Variants in PROSER2 observed in about 807,000 individuals in gnomAD.
PROSER2 encodes the protein proline and serine rich 2, also known as proline and serine-rich protein 2.
PROSER2 carries 18 observed loss-of-function variants against 14.6 expected under a neutral mutation model. That is an observed-to-expected ratio of 1.23 (90% CI 0.85 to 1.83). PROSER2 has a LOEUF of 1.83. Among genes scored for constraint, PROSER2 ranks in the 40% most tolerant of loss-of-function variants. PROSER2 has a pLI of 0.00. For missense variants in PROSER2, 823 were observed against 629.8 expected (o/e 1.31, Z -3.28); for synonymous variants, 367 against 286.4 (o/e 1.28, Z -2.84).
chr10:11,859,671 C>G (rs1436048410), intron 2 of PROSER2, among the ~76,000 whole-genome samples: 2 of 152,208 alleles, frequency 1.3e-5, no homozygotes, highest in Non-Finnish European at 2.9e-5. Context: ...CCAGCTCTCT[C>G]CCGCCTCCAA....
chr10:11,870,228 CG>C lies in PROSER2; in HGVS notation c.1131del (p.Arg378GlyfsTer73). ...CFRPGPALPS[T>X]RARQSFPGPR... ...CGCCCTGGCCCGGCCCTGCCCAGCA[CG>C]CGGGCCCGTCAGAGCTTCCCCGGGC... On this transcript the variant is annotated frameshift_variant, in exon 4 of 4. Coordinates refer to ENST00000277570, the MANE Select transcript of PROSER2 (RefSeq NM_153256.4). LOFTEE classifies it low-confidence loss of function (END_TRUNC). The C allele has an allele frequency of 1.3e-6, 2 of 1,490,592 alleles. No homozygotes were observed. Among genetic ancestry groups the C allele is most frequent in the Non-Finnish European group, 1.8e-6 (2 of 1,127,906 alleles). 92.3% of individuals were successfully genotyped at this position (1,490,592 alleles called of 1,614,324 possible).
chr10:11,858,478 T>A (rs1305401667), intron 2 of PROSER2, among the ~76,000 whole-genome samples: 1 of 152,034 alleles, frequency 6.6e-6, no homozygotes, highest in Non-Finnish European at 1.5e-5. Context: ...TATGCAGGAG[T>A]CAACAGAGAT....
chr10:11,844,623 C>T (rs549292407), intron 1 of PROSER2, among the ~76,000 whole-genome samples: 23 of 152,228 alleles, frequency 1.5e-4, no homozygotes, highest in African/African-American at 5.5e-4. Flanking sequence ...AGAGCTTCCT[C>T]ATTCTTTTTT....
At chr10:11,825,554 GC>G (rs1211261054) in intron 1 of PROSER2, among the ~76,000 whole-genome samples, 1 of 152,202 alleles carries the variant, frequency 6.6e-6, no homozygotes, top group Non-Finnish European at 1.5e-5. Flanking sequence ...TGGAGGCACT[GC>G]CCTCTGCACG....
intron 1 of PROSER2, among the ~76,000 whole-genome samples, chr10:11,847,003 C>T (rs1242472133): frequency 1.3e-5 from 2 of 151,908 alleles, no homozygotes; most frequent in Non-Finnish European, 2.9e-5. Flanking sequence ...CCTCCCACCT[C>T]GGCCTCCCAA....
chr10:11,836,231 C>G lies in PROSER2; in HGVS notation c.-82+12761C>G, dbSNP rs967478757. On this transcript the variant is annotated intron_variant, in intron 1 of 3. Coordinates refer to ENST00000277570, the MANE Select transcript of PROSER2 (RefSeq NM_153256.4). The surrounding 1 kb of genome is among the most constrained non-coding windows in gnomAD (Gnocchi z 4.6). ...TATTTTTTTGAGACAGAGTCTCACTCTGTTGGCCAGGCTGGTGTGCAGTGG... is the reference window on the plus strand; with the variant it reads ...TATTTTTTTGAGACAGAGTCTCACTGTGTTGGCCAGGCTGGTGTGCAGTGG... Among the ~76,000 whole-genome samples, 2 of 152,110 alleles carry G rather than the reference C, an allele frequency of 1.3e-5. No individual in the cohort carries two copies. Among genetic ancestry groups the G allele is most frequent in the African/African-American group, 4.8e-5 (2 of 41,416 alleles).
intron 3 of PROSER2, among the ~76,000 whole-genome samples, chr10:11,868,221 C>T (rs1834393228): frequency 6.6e-6 from 1 of 152,236 alleles, no homozygotes; most frequent in Non-Finnish European, 1.5e-5. Context: ...GGAAAACACT[C>T]TTTGAAAAAT....
At position 11,862,260 on chromosome 10, in the gene PROSER2, C is replaced by T. The variant is rs928416812; in HGVS notation, c.139-4271C>T. Among the ~76,000 whole-genome samples, 1 of 152,088 alleles carries T rather than the reference C, an allele frequency of 6.6e-6. No homozygotes were observed. Among genetic ancestry groups the T allele is most frequent in the Non-Finnish European group, 1.5e-5 (1 of 68,018 alleles). On this transcript the variant is annotated intron_variant, in intron 2 of 3. Coordinates refer to ENST00000277570, the MANE Select transcript of PROSER2 (RefSeq NM_153256.4). The surrounding 1 kb of genome is among the most constrained non-coding windows in gnomAD (Gnocchi z 4.2). ...CGCTTAAAGTCACCACAGGGGCATG[C>T]GTGTGTTTATGTGAATATGCAAATT...
In PROSER2 at chr10:11,859,008, CAAAAAAAA is replaced by C. The variant is rs750181845; in HGVS notation, c.138+6810_138+6817del. 1.3e-4 allele frequency among the ~76,000 whole-genome samples: 8 copies of C among 61,164 alleles called. No homozygotes were observed. In the South Asian group the frequency reaches 2.5e-3, roughly 19 times the overall value. The allele number at this position is 61,164 out of a possible 152,430, so 40.1% of individuals were successfully genotyped here. On this transcript the variant is annotated intron_variant, in intron 2 of 3. Transcript: ENST00000277570. ...TGGGCAACAAAGCGAGACTCTGTCTCAAAAAAAAAAAAAAAAAAAAAAAAGGAGAGATG... is the reference window on the plus strand; with the variant it reads ...TGGGCAACAAAGCGAGACTCTGTCTCAAAAAAAAAAAAAAAAGGAGAGATG...
At chr10:11,844,563 A>G (rs1833897408) in intron 1 of PROSER2, among the ~76,000 whole-genome samples, 1 of 152,036 alleles carries the variant, frequency 6.6e-6, no homozygotes, top group African/African-American at 2.4e-5. Context: ...TAGACTTTGC[A>G]TTTTTTTGCT....
chr10:11,870,268 CGGCGCCCAGGACT>C lies in PROSER2; in HGVS notation c.1177_1189del (p.Gln393AlafsTer54). ...GCTTCCCCGGGCCCCGGCAGCCCAA[CGGCGCCCAGGACT>C]GGCGCCGCGCAGACTCCCTGCCCCG... On this transcript the variant is annotated frameshift_variant, in exon 4 of 4. Transcript: ENST00000277570. LOFTEE classifies it high-confidence loss of function. The C allele has an allele frequency of 6.7e-7, 1 of 1,489,362 alleles. No individual in the cohort carries two copies. Among genetic ancestry groups the C allele is most frequent in the South Asian group, 1.3e-5 (1 of 79,636 alleles). 92.3% of individuals were successfully genotyped at this position (1,489,362 alleles called of 1,614,324 possible).
chr10:11,853,806 C>T (rs1834074470), intron 2 of PROSER2, among the ~76,000 whole-genome samples: 1 of 152,156 alleles, frequency 6.6e-6, no homozygotes, highest in South Asian at 2.1e-4. Context: ...TTCCTTCCTC[C>T]TCCCTACTGC....
At chr10:11,828,570 G>A (rs551609253) in intron 1 of PROSER2, among the ~76,000 whole-genome samples, 1 of 152,230 alleles carries the variant, frequency 6.6e-6, no homozygotes, top group Non-Finnish European at 1.5e-5. Context: ...TGGCATGGTG[G>A]TGTGTGCCTG....
Position 11,856,987 on chromosome 10 carries a change from C to T in PROSER2, c.138+4772C>T, listed in dbSNP as rs11257365. Among the ~76,000 whole-genome samples, 33,006 of 152,216 alleles carry T rather than the reference C, an allele frequency of 0.22. 3,736 individuals carry two copies. The highest frequency in any genetic ancestry group is 0.31 in the Middle Eastern group (90 of 294). On this transcript the variant is annotated intron_variant, in intron 2 of 3. Coordinates refer to ENST00000277570, the MANE Select transcript of PROSER2 (RefSeq NM_153256.4). The surrounding 1 kb of genome is among the most constrained non-coding windows in gnomAD (Gnocchi z 5.3). The stretch of plus-strand genomic sequence containing the variant: ...TCACCCAGCTGGAATCCAAATGGTC[C>T]TGGTCAAACAGCTGCTTTAAAACAT...
chr10:11,837,092 A>G lies in PROSER2; in HGVS notation c.-82+13622A>G, dbSNP rs1452854445. Among the ~76,000 whole-genome samples the G allele has an allele frequency of 2.6e-5, 4 of 152,102 alleles. No homozygotes were observed. The East Asian group carries it at 7.7e-4, about 29-fold the overall frequency. On this transcript the variant is annotated intron_variant, in intron 1 of 3. Transcript: ENST00000277570. The surrounding 1 kb of genome is among the most constrained non-coding windows in gnomAD (Gnocchi z 4.6). ...CCGTGCTTATGTTCAAGTCACTTTTATTTAATAATGGCCCTGAAGCAGAAG... is the reference window on the plus strand; with the variant it reads ...CCGTGCTTATGTTCAAGTCACTTTTGTTTAATAATGGCCCTGAAGCAGAAG...
chr10:11,831,443 G>A (rs1833688272), intron 1 of PROSER2, among the ~76,000 whole-genome samples: 1 of 152,130 alleles, frequency 6.6e-6, no homozygotes, highest in African/African-American at 2.4e-5. Context: ...ATTTGCTCAG[G>A]AATCCAGAAA....
chr10:11,835,927 C>T (rs1186457656), intron 1 of PROSER2, among the ~76,000 whole-genome samples: 2 of 152,082 alleles, frequency 1.3e-5, no homozygotes, highest in Admixed American at 6.6e-5. Flanking sequence ...GAGTTCCCAC[C>T]GTGAAACGCT....
intron 1 of PROSER2, among the ~76,000 whole-genome samples, chr10:11,844,001 G>T (rs879414608): frequency 2.0e-5 from 3 of 150,924 alleles, no homozygotes; most frequent in Non-Finnish European, 4.4e-5. Flanking sequence ...GAGTGCATTT[G>T]ATTGATTGAG....
intron 1 of PROSER2, among the ~76,000 whole-genome samples, chr10:11,848,355 G>C (rs563511739): frequency 6.6e-6 from 1 of 152,288 alleles, no homozygotes; most frequent in South Asian, 2.1e-4. Flanking sequence ...TTTTAGTAGA[G>C]ACGGGGTTTC....
Sources: gnomAD v4.1 joint callset for allele counts (sites outside exome capture counted in the v4.1 genomes callset) on GRCh38, gnomAD v4.1.1 for gene constraint, Gnocchi (gnomAD v3.1) non-coding constraint, MANE v1.5 for transcripts, NCBI Gene and HGNC (gene_info 2026-07-23, HGNC 2026-07-21) for gene names.